PPFIA2: variants seen among roughly 807,000 people sequenced by gnomAD.
PPFIA2 encodes liprin-alpha-2.
A neutral mutation model predicts 175.5 loss-of-function variants in PPFIA2; 46 were observed. The observed-to-expected ratio is 0.26, with a 90% CI of 0.21 to 0.34. The LOEUF (loss-of-function observed/expected upper bound fraction) is 0.34. Among genes scored for constraint, PPFIA2 ranks in the 10% least tolerant of loss-of-function variants. The probability of loss-of-function intolerance (pLI) is 1.00; values close to 1 mark genes in which losing one functional copy is unlikely to be tolerated. For missense variants in PPFIA2, 1,179 were observed against 1,506.1 expected, an observed-to-expected ratio of 0.78 and a Z score of 3.60; for synonymous variants, 568 against 511.4, an observed-to-expected ratio of 1.11 and a Z score of -1.49.
chr12:81,587,654 G>A (rs2075479404), intron 4 of PPFIA2, among the ~76,000 whole-genome samples: 1 of 152,012 alleles, frequency 6.6e-6, no homozygotes, highest in Non-Finnish European at 1.5e-5. Context: ...AAATTTGGAA[G>A]TAGAATTATG....
chr12:81,633,494 C>T (rs937710111), intron 4 of PPFIA2, among the ~76,000 whole-genome samples: 1 of 151,722 alleles, frequency 6.6e-6, no homozygotes, highest in Non-Finnish European at 1.5e-5. Context: ...CACCTGGGGA[C>T]CCAGGCAAGA....
intron 4 of PPFIA2, among the ~76,000 whole-genome samples, chr12:81,517,053 T>C (rs532065754): frequency 1.3e-5 from 2 of 150,006 alleles, no homozygotes; most frequent in Non-Finnish European, 3.0e-5. Flanking sequence ...GCTTCATGAT[T>C]AAAAGACAAG....
At chr12:81,500,605 C>T (rs1258430598) in intron 4 of PPFIA2, among the ~76,000 whole-genome samples, 2 of 152,140 alleles carry the variant, frequency 1.3e-5, no homozygotes, top group Non-Finnish European at 2.9e-5. Flanking sequence ...TTAAAGTCCT[C>T]AAAACTGTAA....
chr12:81,652,457 A>G (rs1209955980), intron 4 of PPFIA2, among the ~76,000 whole-genome samples: 2 of 151,910 alleles, frequency 1.3e-5, no homozygotes, highest in African/African-American at 2.4e-5. Context: ...ATTGCTGAGG[A>G]AAATTTTCCC....
intron 13 of PPFIA2, 54 bp downstream of exon 13, chr12:81,368,671 A>G: frequency 6.5e-7 from 1 of 1,537,018 alleles, no homozygotes; most frequent in Non-Finnish European, 8.8e-7. Flanking sequence ...TGTATATAAA[A>G]CAAACATGAG....
chr12:81,691,790 A>T (rs1225058974), intron 3 of PPFIA2, among the ~76,000 whole-genome samples: 4 of 152,276 alleles, frequency 2.6e-5, no homozygotes, highest in African/African-American at 9.6e-5. Flanking sequence ...CAGGGGAAAC[A>T]CCAAGAAACA....
At chr12:81,477,498 C>T (rs1280198954) in intron 4 of PPFIA2, among the ~76,000 whole-genome samples, 1 of 152,124 alleles carries the variant, frequency 6.6e-6, no homozygotes, top group Non-Finnish European at 1.5e-5. Flanking sequence ...AAAGGGAATG[C>T]TTCCAGCTTT....
intron 20 of PPFIA2, 69 bp downstream of exon 20, chr12:81,341,009 A>C: frequency 6.9e-7 from 1 of 1,443,716 alleles, no homozygotes; most frequent in Non-Finnish European, 9.4e-7. Flanking sequence ...TCTATTCGAC[A>C]ACAACGAAGG....
chr12:81,698,536 C>T (rs2076139282), intron 3 of PPFIA2, among the ~76,000 whole-genome samples: 1 of 152,026 alleles, frequency 6.6e-6, no homozygotes, highest in African/African-American at 2.4e-5. Flanking sequence ...GTTATCACAG[C>T]ACAAAATGAA....
At chr12:81,600,714 C>A (rs2059702331) in intron 4 of PPFIA2, among the ~76,000 whole-genome samples, 1 of 151,914 alleles carries the variant, frequency 6.6e-6, no homozygotes, top group Non-Finnish European at 1.5e-5. Flanking sequence ...GTGTTAGGAT[C>A]TTACTTCCTC....
intron 4 of PPFIA2, among the ~76,000 whole-genome samples, chr12:81,523,554 A>C (rs985336396): frequency 8.5e-5 from 13 of 152,248 alleles, no homozygotes; most frequent in Admixed American, 6.5e-4. Context: ...TGAATACTCC[A>C]TCCTTTTTTT....
intron 22 of PPFIA2, among the ~76,000 whole-genome samples, chr12:81,321,655 T>C (rs887797479): frequency 9.2e-5 from 14 of 152,204 alleles, no homozygotes; most frequent in African/African-American, 3.4e-4. Flanking sequence ...AGCCATGCTC[T>C]ACCAGCTTTA....
rs969944462 is a variant in PPFIA2, at chr12:81,584,590, C to T, written c.303+92201G>A. On this transcript the variant is annotated intron_variant, in intron 4 of 32. Coordinates refer to ENST00000549396, the MANE Select transcript of PPFIA2 (RefSeq NM_003625.5). Reference sequence around the variant, plus strand: ...GTCATGTAAACATCATGACACAATACATAAATCTAGATGGCGAGCCTACTA... The same window carrying T: ...GTCATGTAAACATCATGACACAATATATAAATCTAGATGGCGAGCCTACTA... Among the ~76,000 whole-genome samples, 3 of 150,946 alleles carry T rather than the reference C, an allele frequency of 2.0e-5. No individual in the cohort carries two copies. The Admixed American group carries it at 2.0e-4, about 10-fold the overall frequency.
chr12:81,736,918 A>G (rs1248897944), intron 3 of PPFIA2, among the ~76,000 whole-genome samples: 1 of 151,860 alleles, frequency 6.6e-6, no homozygotes, highest in Non-Finnish European at 1.5e-5. Flanking sequence ...CATTTAAAAA[A>G]TAATTTGTAG....
chr12:81,633,811 A>C (rs554549461), intron 4 of PPFIA2, among the ~76,000 whole-genome samples: 4 of 152,130 alleles, frequency 2.6e-5, no homozygotes, highest in Admixed American at 2.6e-4. Context: ...ATTTAAGGTA[A>C]TTTTGTTTTT....
chr12:81,275,548 ATATATACTAC>A, intron 28 of PPFIA2, among the ~76,000 whole-genome samples: 1 of 152,180 alleles, frequency 6.6e-6, no homozygotes, highest in Non-Finnish European at 1.5e-5. Flanking sequence ...GGAGAATGTA[ATATATACTAC>A]TTTCTTATCT....
intron 4 of PPFIA2, among the ~76,000 whole-genome samples, chr12:81,541,932 A>G (rs1322415795): frequency 6.6e-6 from 1 of 151,964 alleles, no homozygotes; most frequent in East Asian, 1.9e-4. Context: ...AATGATTGGT[A>G]TATTACTGGA....
chr12:81,744,184 C>T (rs2082714928), intron 3 of PPFIA2, among the ~76,000 whole-genome samples: 2 of 152,078 alleles, frequency 1.3e-5, no homozygotes, highest in South Asian at 4.1e-4. Flanking sequence ...TAGTTAAATA[C>T]CCTTTCATGT....
chr12:81,475,585 G>A (rs1374717872), intron 4 of PPFIA2, among the ~76,000 whole-genome samples: 1 of 152,072 alleles, frequency 6.6e-6, no homozygotes, highest in Admixed American at 6.6e-5. Flanking sequence ...ATTTTAATCC[G>A]TTGAGATTTC....
Sources: gnomAD v4.1 joint callset for allele counts (sites outside exome capture counted in the v4.1 genomes callset) on GRCh38, gnomAD v4.1.1 for gene constraint, MANE v1.5 for transcripts, NCBI Gene and HGNC (gene_info 2026-07-23, HGNC 2026-07-21) for gene names.